Variants in ATP8B1 observed in about 807,000 individuals in gnomAD.
ATP8B1 encodes phospholipid-transporting ATPase IC.
A neutral mutation model predicts 149.9 loss-of-function variants in ATP8B1; 80 were observed. The observed-to-expected ratio is 0.53, with a 90% CI of 0.45 to 0.64. The LOEUF is 0.64. ATP8B1 is among the 30% of genes least tolerant of loss of function. The pLI, the probability that ATP8B1 is intolerant of heterozygous loss-of-function variation, is 0.00. For synonymous variants in ATP8B1, 536 were observed against 562.8 expected, an observed-to-expected ratio of 0.95 and a Z score of 0.67; for missense variants, 1,247 against 1,552.6, an observed-to-expected ratio of 0.80 and a Z score of 3.31.
In ATP8B1 at chr18:57,674,785, A is replaced by G; in HGVS notation, c.1819+49T>C. 1 of 1,596,890 alleles carries G rather than the reference A, an allele frequency of 6.3e-7. No individual in the cohort carries two copies. Among genetic ancestry groups the G allele is most frequent in the Non-Finnish European group, 8.6e-7 (1 of 1,165,530 alleles). ...GATGCCACTCAATACAATGGGCACA[A>G]GCAACATCTAAATGAGCGATTCATA... On this transcript the variant is annotated intron_variant, in intron 16 of 27. Coordinates refer to ENST00000648908, the MANE Select transcript of ATP8B1 (RefSeq NM_001374385.1).
chr18:57,672,903 T>TC (rs1568189174), intron 16 of ATP8B1, among the ~76,000 whole-genome samples: 10 of 56,070 alleles, frequency 1.8e-4, no homozygotes, highest in Non-Finnish European at 3.1e-4. Flanking sequence ...TATATATATA[T>TC]ATATATATAT....
intron 1 of ATP8B1, among the ~76,000 whole-genome samples, chr18:57,768,609 G>T (rs1394527606): frequency 1.2e-4 from 14 of 119,484 alleles, no homozygotes; most frequent in Non-Finnish European, 2.3e-4. Flanking sequence ...AAAAAGCTAA[G>T]CTTTTAAAGC....
intron 2 of ATP8B1, among the ~76,000 whole-genome samples, chr18:57,720,180 G>A (rs1286236961): frequency 1.1e-4 from 16 of 149,026 alleles, no homozygotes; most frequent in African/African-American, 4.0e-4. Flanking sequence ...ACTCTAAAAC[G>A]CAGAGCGTCT....
chr18:57,650,413 G>A lies in ATP8B1; in HGVS notation c.3485C>T (p.Ala1162Val). 6.2e-7 allele frequency: 1 copy of A among 1,613,958 alleles called. No homozygotes were observed. Among genetic ancestry groups the A allele is most frequent in the Non-Finnish European group, 8.5e-7 (1 of 1,179,894 alleles). Residue 1162 changes from alanine to valine, a missense_variant, in exon 27 of 28, where the codon GCC becomes GTC. Ala to Val is a moderately conservative substitution (Grantham distance 64). Around this residue, in one of 3 missense-constraint regions of ATP8B1, gnomAD observed 164 missense variants for 160.3 expected, o/e 1.02. Transcript: ENST00000648908. ...GATGGTCATTGACAGGAATCGAATG[G>A]CAACGACGGGTAGTAAGCACACAGC... ...AVAVCLLPVV[A>V]IRFLSMTIWP...
At chr18:57,774,564 C>T (rs982755209) in intron 1 of ATP8B1, among the ~76,000 whole-genome samples, 1 of 152,022 alleles carries the variant, frequency 6.6e-6, no homozygotes, top group African/African-American at 2.4e-5. Context: ...CCATTGCACT[C>T]CAGCCTGGGC....
chr18:57,681,332 G>A (rs1218485602), intron 15 of ATP8B1, among the ~76,000 whole-genome samples: 4 of 152,106 alleles, frequency 2.6e-5, no homozygotes, highest in Admixed American at 6.6e-5. Context: ...ACACGTGAAC[G>A]TGGAAAAAGA....
chr18:57,748,574 C>G (rs923439343), intron 1 of ATP8B1, among the ~76,000 whole-genome samples: 4 of 152,154 alleles, frequency 2.6e-5, no homozygotes, highest in Non-Finnish European at 4.4e-5. Flanking sequence ...GCTTTAACAT[C>G]GGAGAGGGCC....
intron 1 of ATP8B1, among the ~76,000 whole-genome samples, chr18:57,764,166 A>G (rs1036605812): frequency 2.0e-5 from 3 of 152,174 alleles, no homozygotes; most frequent in Admixed American, 2.0e-4. Context: ...TCTGGCATGG[A>G]CAGATGAACG....
chr18:57,793,889 CA>C (rs1169496130), intron 1 of ATP8B1, among the ~76,000 whole-genome samples: 3 of 152,204 alleles, frequency 2.0e-5, no homozygotes, highest in Non-Finnish European at 4.4e-5. Flanking sequence ...CTTACATCAC[CA>C]TTCACAGCCT....
At chr18:57,685,596 T>C (rs945418953) in intron 13 of ATP8B1, among the ~76,000 whole-genome samples, 2 of 152,124 alleles carry the variant, frequency 1.3e-5, no homozygotes, top group Non-Finnish European at 2.9e-5. Context: ...TACATAAAAT[T>C]AAATTTCTAA....
intron 2 of ATP8B1, among the ~76,000 whole-genome samples, chr18:57,730,435 A>G (rs1474279531): frequency 1.3e-5 from 2 of 152,108 alleles, no homozygotes; most frequent in Non-Finnish European, 2.9e-5. Flanking sequence ...GTTCGGCTAG[A>G]ATTTTAGGGA....
intron 26 of ATP8B1, among the ~76,000 whole-genome samples, chr18:57,650,773 G>A (rs111724198): frequency 1.1e-4 from 16 of 152,230 alleles, no homozygotes; most frequent in African/African-American, 3.9e-4. Context: ...GAAGGCGGAA[G>A]TTGCAGTGAG....
rs547756606 is a variant in ATP8B1, at chr18:57,741,290, A to G, written c.-25-9458T>C. ...GCGCAGGTAATGGGATGTCACTTCCATGATTAGGTTATAAAAAACCATGAC... is the reference window on the plus strand; with the variant it reads ...GCGCAGGTAATGGGATGTCACTTCCGTGATTAGGTTATAAAAAACCATGAC... On this transcript the variant is annotated intron_variant, in intron 1 of 27. Transcript: ENST00000648908. 7.9e-5 allele frequency among the ~76,000 whole-genome samples: 12 copies of G among 152,278 alleles called. No individual in the cohort carries two copies. The South Asian group carries it at 2.1e-3, about 26-fold the overall frequency.
At chr18:57,718,847 A>G (rs1468868798) in intron 2 of ATP8B1, among the ~76,000 whole-genome samples, 2 of 152,192 alleles carry the variant, frequency 1.3e-5, no homozygotes, top group African/African-American at 2.4e-5. Context: ...AAAATCCTCA[A>G]AAAACTGGGT....
At chr18:57,703,576 CAAA>C (rs35128451) in intron 4 of ATP8B1, among the ~76,000 whole-genome samples, 58 of 131,682 alleles carry the variant, frequency 4.4e-4, no homozygotes, top group Admixed American at 7.0e-4. Context: ...AACACGGTCT[CAAA>C]AAAAAAAAAA....
chr18:57,738,524 C>A (rs2079881031), intron 1 of ATP8B1, among the ~76,000 whole-genome samples: 1 of 152,102 alleles, frequency 6.6e-6, no homozygotes, highest in Non-Finnish European at 1.5e-5. Flanking sequence ...ATTCGGGAGG[C>A]TGAGGCAGGA....
At chr18:57,758,943 G>A (rs575778916) in intron 1 of ATP8B1, among the ~76,000 whole-genome samples, 76 of 151,976 alleles carry the variant, frequency 5.0e-4, no homozygotes, top group Admixed American at 1.0e-3. Context: ...GGATCACAAG[G>A]TCAAGAGATC....
chr18:57,770,368 T>A (rs2080254075), intron 1 of ATP8B1, among the ~76,000 whole-genome samples: 1 of 152,244 alleles, frequency 6.6e-6, no homozygotes, highest in Non-Finnish European at 1.5e-5. Flanking sequence ...TCTCAAAATT[T>A]GTTTAGCACT....
At chr18:57,734,528 T>C (rs1231321850) in intron 1 of ATP8B1, among the ~76,000 whole-genome samples, 1 of 152,218 alleles carries the variant, frequency 6.6e-6, no homozygotes, top group Non-Finnish European at 1.5e-5. Flanking sequence ...ATTTGTATGT[T>C]TCCTTTTGAA....
Sources: allele counts gnomAD v4.1 joint callset (sites outside exome capture counted in the v4.1 genomes callset), GRCh38; gene constraint gnomAD v4.1.1; regional missense constraint gnomAD v4.1.1; transcripts MANE v1.5; gene names NCBI Gene and HGNC (gene_info 2026-07-23, HGNC 2026-07-21).